EPHA10: variants seen among roughly 807,000 people sequenced by gnomAD.
EPHA10 encodes ephrin type-A receptor 10.
EPHA10 carries 120 observed loss-of-function variants against 109.7 expected under a neutral mutation model. The ratio of observed to expected loss-of-function variants is 1.09; its 90% CI spans 0.94 to 1.27. EPHA10 has a LOEUF of 1.27. EPHA10 is among the 50% of genes most tolerant of loss of function. The pLI is 0.00. For synonymous variants in EPHA10, 640 were observed against 618.9 expected (o/e 1.03, Z -0.51); for missense variants, 1,396 against 1,411.1 (o/e 0.99, Z 0.17).
At chr1:37,762,175 C>A in intron 2 of EPHA10, 92 bp from the exon 3 acceptor site, 1 of 1,168,684 alleles carries the variant, frequency 8.6e-7, no homozygotes, top group Non-Finnish European at 1.2e-6. Flanking sequence ...CTCTCTCATG[C>A]ACCATGCACA....
At chr1:37,744,389 G>A (rs905223912) in intron 5 of EPHA10, among the ~76,000 whole-genome samples, 31 of 151,748 alleles carry the variant, frequency 2.0e-4, no homozygotes, top group African/African-American at 6.5e-4. Flanking sequence ...GTGCGTCAGT[G>A]TGTGCCTGTA....
At chr1:37,756,183 G>C (rs1360358706) in intron 3 of EPHA10, among the ~76,000 whole-genome samples, 1 of 152,204 alleles carries the variant, frequency 6.6e-6, no homozygotes, top group East Asian at 1.9e-4. Flanking sequence ...GACTTGGAAA[G>C]CTTGGGTTCT....
In EPHA10 at chr1:37,723,163, TTGAC is replaced by T. The variant is rs769955496; in HGVS notation, c.1835-1_1837del. 61 of 1,613,084 alleles carry T rather than the reference TTGAC, an allele frequency of 3.8e-5. No homozygotes were observed. In the East Asian group the frequency reaches 8.7e-4, roughly 23 times the overall value. ...CAGGAATGTGCGACGTGTTGGGACT[TTGAC>T]TGGGAGAGAAAGAGATGAGCCTGAG... On this transcript the variant is annotated splice_acceptor_variant and coding_sequence_variant, in exon 10 of 17. Coordinates refer to ENST00000373048, the MANE Select transcript of EPHA10 (RefSeq NM_001099439.2). LOFTEE classifies it high-confidence loss of function.
Position 37,720,473 on chromosome 1 carries a change from T to A in EPHA10, c.2290A>T (p.Met764Leu), listed in dbSNP as rs1264164928. Reference sequence around the variant, plus strand: ...GCCAGGCCCCGGTGAACGTAGCCCATCTCTGACAGATACTTCATGGCTGAT... The same window carrying A: ...GCCAGGCCCCGGTGAACGTAGCCCAACTCTGACAGATACTTCATGGCTGAT... ...LASAMKYLSE[M>L]GYVHRGLAAR... Residue 764 changes from methionine to leucine, a missense_variant, in exon 13 of 17, where the codon ATG (methionine) becomes TTG (leucine). Coordinates refer to ENST00000373048, the MANE Select transcript of EPHA10 (RefSeq NM_001099439.2). The A allele has an allele frequency of 6.2e-7, 1 of 1,613,558 alleles. No individual in the cohort carries two copies. The highest frequency in any genetic ancestry group is 8.5e-7 in the Non-Finnish European group (1 of 1,179,998).
chr1:37,741,692 C>T (rs978394802), intron 5 of EPHA10, among the ~76,000 whole-genome samples: 14 of 151,826 alleles, frequency 9.2e-5, no homozygotes, highest in African/African-American at 3.4e-4. Flanking sequence ...CACAGAGTGG[C>T]ATTGCCTCCC....
intron 8 of EPHA10, among the ~76,000 whole-genome samples, chr1:37,724,310 A>C (rs1320755335): frequency 6.6e-6 from 1 of 152,150 alleles, no homozygotes; most frequent in Admixed American, 6.5e-5. Flanking sequence ...ACATTTAGAC[A>C]TCTGAGTTTG....
Position 37,721,753 on chromosome 1 carries a change from C to G in EPHA10, c.2053G>C (p.Asp685His). ...GCCAGGAAGCCGAGCCTCTGTGAGT[C>G]GGAGGCGCTGTCCCTCAGCATATGC... ...AVHMLRDSASDSQRLGFLAEA... is the reference protein window; with the variant it reads ...AVHMLRDSASHSQRLGFLAEA... The change falls in exon 11 of 17, where the codon GAC (aspartate) becomes CAC (histidine). Residue 685 changes from aspartate to histidine, a missense_variant. Coordinates refer to ENST00000373048, the MANE Select transcript of EPHA10 (RefSeq NM_001099439.2). The G allele has an allele frequency of 6.2e-7, 1 of 1,612,634 alleles. No homozygotes were observed.
In EPHA10 at chr1:37,761,745, C is replaced by G; in HGVS notation, c.510G>C (p.Lys170Asn). The change falls in exon 3 of 17, where the codon AAG (lysine) becomes AAC (asparagine). Residue 170 changes from lysine to asparagine, a missense_variant. Transcript: ENST00000373048. ...CGCGCACCTCTGTGTTCAGCTTCAT[C>G]TTGCGCTCACCCAGGTCGCCCTGCG... ...SFTQGDLGER[K>N]MKLNTEVREI... is the part of the protein sequence containing the mutation. The G allele has an allele frequency of 6.2e-7, 1 of 1,613,854 alleles. No individual in the cohort carries two copies. The highest frequency in any genetic ancestry group is 2.2e-5 in the East Asian group (1 of 44,872).
downstream of EPHA10, among the ~76,000 whole-genome samples, chr1:37,714,343 G>A (rs186521623): frequency 2.0e-5 from 3 of 152,328 alleles, no homozygotes; most frequent in South Asian, 2.1e-4. Flanking sequence ...GTGTGTGCAC[G>A]TGTGTCCATG....
At position 37,736,977 on chromosome 1, in the gene EPHA10, G is replaced by C. The variant is rs546092704; in HGVS notation, c.1358-1587C>G. 3.9e-5 allele frequency among the ~76,000 whole-genome samples: 6 copies of C among 152,288 alleles called. No individual in the cohort carries two copies. The South Asian group carries it at 8.3e-4, about 21-fold the overall frequency. ...ACACAAATAATTGGAAAGGCATCCT[G>C]TGTTCATGGAATAGAACACTTAATA... On this transcript the variant is annotated intron_variant, in intron 5 of 16. Transcript: ENST00000373048.
At position 37,750,741 on chromosome 1, in the gene EPHA10, G is replaced by A. The variant is rs141810284; in HGVS notation, c.1357+2135C>T. Among the ~76,000 whole-genome samples, 1,476 of 152,048 alleles carry A rather than the reference G, an allele frequency of 9.7e-3. 19 individuals are homozygous for A. Among genetic ancestry groups the A allele is most frequent in the African/African-American group, 0.033 (1,380 of 41,454 alleles). The stretch of plus-strand genomic sequence containing the variant: ...ACTACAGGCACACATCACCATGCCT[G>A]GCTAATTTTTAAAATTTTTTGTAGA... On this transcript the variant is annotated intron_variant, in intron 5 of 16. Coordinates refer to ENST00000373048, the MANE Select transcript of EPHA10 (RefSeq NM_001099439.2).
intron 8 of EPHA10, among the ~76,000 whole-genome samples, chr1:37,725,789 A>G (rs1478172048): frequency 6.6e-6 from 1 of 152,100 alleles, no homozygotes; most frequent in East Asian, 1.9e-4. Flanking sequence ...AGAGGCTTCC[A>G]CTGGACCACA....
rs537946323 is a variant in EPHA10, at chr1:37,728,194, A to G, written c.1664-984T>C. Reference sequence around the variant, plus strand: ...TGGCAAGTCGTCCCCTGTGTCTGGGAAACAGACTGCATGAAGGCGGAGAGT... The same window carrying G: ...TGGCAAGTCGTCCCCTGTGTCTGGGGAACAGACTGCATGAAGGCGGAGAGT... On this transcript the variant is annotated intron_variant, in intron 7 of 16. Coordinates refer to ENST00000373048, the MANE Select transcript of EPHA10 (RefSeq NM_001099439.2). Among the ~76,000 whole-genome samples, 31 of 152,270 alleles carry G rather than the reference A, an allele frequency of 2.0e-4. No homozygotes were observed. The South Asian group carries it at 6.2e-3, about 31-fold the overall frequency.
At chr1:37,724,545 G>T (rs1645855963) in intron 8 of EPHA10, among the ~76,000 whole-genome samples, 1 of 150,800 alleles carries the variant, frequency 6.6e-6, no homozygotes, top group Non-Finnish European at 1.5e-5. Flanking sequence ...AATCGCCAGA[G>T]GAACAGAAGG....
chr1:37,745,097 A>G (rs1213312602), intron 5 of EPHA10, among the ~76,000 whole-genome samples: 1 of 152,224 alleles, frequency 6.6e-6, no homozygotes, highest in African/African-American at 2.4e-5. Context: ...CTCTAGAATC[A>G]TCAGAGGCAG....
chr1:37,748,438 C>G (rs1473309520), intron 5 of EPHA10, among the ~76,000 whole-genome samples: 6 of 152,140 alleles, frequency 3.9e-5, no homozygotes, highest in Non-Finnish European at 4.4e-5. Context: ...GTTTTTTATG[C>G]CTTCAAAGAA....
rs761405544 is a variant in EPHA10 at position 37,752,967 on chromosome 1, G to T, written c.1266C>A (p.Thr422=). 7.4e-4 allele frequency: 937 copies of T among 1,258,564 alleles called. 9 individuals are homozygous for T. The East Asian group carries it at 0.018, about 24-fold the overall frequency. The allele number at this position is 1,258,564 out of a possible 1,614,324, so 78.0% of individuals were successfully genotyped here. The stretch of plus-strand genomic sequence containing the variant: ...CGCCGTTGAGCGCGGCCACGCGCAC[G>T]GTGTAGCGCGCGCCGGGCCGCAGGT... ...LLHLRPGARY[T]VRVAALNGVS... Residue 422 remains threonine, a synonymous_variant, in exon 5 of 17, where the codon ACC becomes ACA. Transcript: ENST00000373048.
rs1010802245 is a variant in EPHA10, at chr1:37,727,114, G to A, written c.1760C>T (p.Ala587Val). ...GCCAGCCACCTACCTCCTCCAAATG[G>A]CCAGCACACTCATCACGGAGCCCAG... Reference protein sequence around the residue: ...LVLGSVMSVLAIWRRPCSYGK... With the variant: ...LVLGSVMSVLVIWRRPCSYGK... Residue 587 changes from alanine to valine, a missense_variant, in exon 8 of 17, where the codon GCC becomes GTC. By Grantham distance (64) the Ala-to-Val change is moderately conservative. Transcript: ENST00000373048. The A allele has an allele frequency of 1.9e-6, 3 of 1,610,992 alleles. No homozygotes were observed. The highest frequency in any genetic ancestry group is 1.7e-6 in the Non-Finnish European group (2 of 1,178,536).
rs145702552 is a variant in EPHA10, at chr1:37,762,373, A to C, written c.172-290T>G. 6.0e-3 allele frequency among the ~76,000 whole-genome samples: 906 copies of C among 151,992 alleles called. 10 individuals carry two copies. The highest frequency in any genetic ancestry group is 0.02 in the African/African-American group (823 of 41,448). ...TGACTCTCTGACCAGTGCCCTTTGC[A>C]CTCCACCAAGCTGCTGTTACAGCCC... On this transcript the variant is annotated intron_variant, in intron 2 of 16. Coordinates refer to ENST00000373048, the MANE Select transcript of EPHA10 (RefSeq NM_001099439.2).
Sources: allele counts gnomAD v4.1 joint callset (sites outside exome capture counted in the v4.1 genomes callset), GRCh38; gene constraint gnomAD v4.1.1; transcripts MANE v1.5; gene names NCBI Gene and HGNC (gene_info 2026-07-23, HGNC 2026-07-21).